The following ATAD2 variants were observed in gnomAD, a reference collection of about 807,000 sequenced individuals.
ATAD2 encodes ATPase family AAA domain containing 2, also known as ATPase family AAA domain-containing protein 2.
In ATAD2, 62 loss-of-function variants were observed where a neutral mutation model predicts 168.9. The observed-to-expected ratio is 0.37, with a 90% CI of 0.30 to 0.45. The LOEUF (loss-of-function observed/expected upper bound fraction) is 0.45. Among genes scored for constraint, ATAD2 ranks in the 20% least tolerant of loss-of-function variants. ATAD2 has a pLI of 1.00. For synonymous variants in ATAD2, 613 were observed against 571.6 expected (o/e 1.07, Z -1.03); for missense variants, 1,419 against 1,667.8 (o/e 0.85, Z 2.60).
intron 24 of ATAD2, among the ~76,000 whole-genome samples, chr8:123,331,014 A>AAC (rs1827760923): frequency 6.6e-6 from 1 of 151,886 alleles, no homozygotes; most frequent in Non-Finnish European, 1.5e-5. Context: ...CCTCTGCCCC[A>AAC]CTGGGTTCAA....
Position 123,359,317 on chromosome 8 carries a change from C to A in ATAD2, c.1286G>T (p.Gly429Val). 2 of 1,607,978 alleles carry A rather than the reference C, an allele frequency of 1.2e-6. No homozygotes were observed. The highest frequency in any genetic ancestry group is 1.7e-6 in the Non-Finnish European group (2 of 1,177,586). The stretch of plus-strand genomic sequence containing the variant: ...AGCTGCTATATGATTAGACAGGCCA[C>A]CAACACTATCAAATCGTACCTGGTA... ...LDSSVRFDSV[G>V]GLSNHIAALK... Residue 429 changes from glycine (G) to valine (V), a missense_variant, in exon 11 of 28, where the codon GGT (glycine) becomes GTT (valine). Physicochemically the swap from Gly to Val is moderately radical, Grantham distance 109 (BLOSUM62 -3). Around this residue, in one of 5 missense-constraint regions of ATAD2, gnomAD observed 146 missense variants for 188.3 expected, o/e 0.78. Transcript: ENST00000287394.
intron 21 of ATAD2, among the ~76,000 whole-genome samples, chr8:123,337,025 C>T (rs891295117): frequency 6.7e-5 from 9 of 133,744 alleles, no homozygotes; most frequent in African/African-American, 2.6e-4. Flanking sequence ...CCAGCCTGGG[C>T]AACAGAGTGA....
chr8:123,410,008 G>T (rs1224619735), intron 1 of ATAD2, among the ~76,000 whole-genome samples: 1 of 147,306 alleles, frequency 6.8e-6, no homozygotes, highest in African/African-American at 2.5e-5. Flanking sequence ...AAAACCTTTT[G>T]TTATTAAAGC....
At chr8:123,356,612 T>C (rs1288936657) in intron 12 of ATAD2, 135 bp from the exon 13 acceptor site, 1 of 427,522 alleles carries the variant, frequency 2.3e-6, no homozygotes, top group Non-Finnish European at 3.7e-6. Flanking sequence ...ACTATTTGAA[T>C]CGGTTTTTCT....
At chr8:123,365,073 A>G (rs1163972760) in intron 8 of ATAD2, among the ~76,000 whole-genome samples, 1 of 152,134 alleles carries the variant, frequency 6.6e-6, no homozygotes, top group Non-Finnish European at 1.5e-5. Context: ...AAAATCCAGC[A>G]AAGTTTCAGG....
chr8:123,326,069 T>C, intron 25 of ATAD2, 43 bp from the exon 26 acceptor site: 2 of 1,582,486 alleles, frequency 1.3e-6, no homozygotes, highest in Non-Finnish European at 1.7e-6. Context: ...TCCATAGATA[T>C]TATGATGTCT....
At chr8:123,412,749 C>T (rs775088993) in intron 1 of ATAD2, among the ~76,000 whole-genome samples, 1 of 152,178 alleles carries the variant, frequency 6.6e-6, no homozygotes, top group African/African-American at 2.4e-5. Flanking sequence ...TTGTTTATTA[C>T]GTAGGGTACT....
intron 1 of ATAD2, among the ~76,000 whole-genome samples, chr8:123,383,042 G>T (rs1200800388): frequency 6.6e-6 from 1 of 152,180 alleles, no homozygotes; most frequent in Non-Finnish European, 1.5e-5. Flanking sequence ...CATGTCATTT[G>T]CAGGGACATG....
chr8:123,360,929 A>G (rs1232530430), intron 9 of ATAD2, among the ~76,000 whole-genome samples: 1 of 147,344 alleles, frequency 6.8e-6, no homozygotes, highest in Non-Finnish European at 1.5e-5. Flanking sequence ...ACTTATCATT[A>G]TTATAAGCAA....
At chr8:123,377,134 A>G (rs539741208) in intron 2 of ATAD2, among the ~76,000 whole-genome samples, 15 of 133,104 alleles carry the variant, frequency 1.1e-4, no homozygotes, top group African/African-American at 3.8e-4. Context: ...GGTGGTGCAA[A>G]CTTGCAGTCC....
Position 123,334,192 on chromosome 8 carries a change from T to C in ATAD2, c.3334+8A>G, listed in dbSNP as rs1322603764. 3 of 1,572,744 alleles carry C rather than the reference T, an allele frequency of 1.9e-6. No homozygotes were observed. The highest frequency in any genetic ancestry group is 4.1e-5 in the Admixed American group (2 of 49,088). On this transcript the variant is annotated splice_region_variant and intron_variant, in intron 23 of 27. Coordinates refer to ENST00000287394, the MANE Select transcript of ATAD2 (RefSeq NM_014109.4). ...GGTTGGTACAAATCAACCAAATCAC[T>C]TTCCTACCTCTTTTCTTTCTAGATT...
chr8:123,321,190 G>A lies in ATAD2; in HGVS notation c.4132-15C>T. ...TGCTCCATTTTCTAGATAAAGGGGA[G>A]GAAGAGCAAATAGTAAGTTTCAATA... On this transcript the variant is annotated splice_polypyrimidine_tract_variant and intron_variant, in intron 27 of 27. Transcript: ENST00000287394. 6.3e-7 allele frequency: 1 copy of A among 1,599,496 alleles called. No homozygotes were observed. Among genetic ancestry groups the A allele is most frequent in the South Asian group, 1.1e-5 (1 of 88,006 alleles).
upstream of ATAD2, chr8:123,400,472 C>A: frequency 2.7e-6 from 1 of 369,306 alleles, no homozygotes; most frequent in South Asian, 2.1e-5. The surrounding 1 kb of genome is among the most constrained non-coding windows in gnomAD (Gnocchi z 4.5). Context: ...CAGTTCCAAA[C>A]CATTCGGGGG....
chr8:123,328,638 A>G (rs1439751869), intron 24 of ATAD2, 59 bp from the exon 25 acceptor site: 2 of 1,461,610 alleles, frequency 1.4e-6, no homozygotes, highest in Non-Finnish European at 1.8e-6. Flanking sequence ...TGAAATTCAA[A>G]GAGTGAAAAA....
rs1396786641 is a variant in ATAD2, at chr8:123,361,623, C to T, written c.1073G>A (p.Ser358Asn). ...AGAGGAGGAAGATGAAGTCGAGTCA[C>T]TACTGTGGATTGCATGCCTTCGCCT... Reference protein sequence around the residue: ...MNRRRHAIHSSDSTSSSSSED... With the variant: ...MNRRRHAIHSNDSTSSSSSED... Residue 358 changes from serine (S) to asparagine (N), a missense_variant, in exon 9 of 28, where the codon AGT (serine) becomes AAT (asparagine). Coordinates refer to ENST00000287394, the MANE Select transcript of ATAD2 (RefSeq NM_014109.4). The T allele has an allele frequency of 6.2e-7, 1 of 1,612,356 alleles. No homozygotes were observed. The highest frequency in any genetic ancestry group is 8.5e-7 in the Non-Finnish European group (1 of 1,178,714).
chr8:123,342,075 C>T (rs559055826), intron 19 of ATAD2, among the ~76,000 whole-genome samples: 2 of 152,150 alleles, frequency 1.3e-5, no homozygotes, highest in Non-Finnish European at 2.9e-5. Context: ...CAACACAGTG[C>T]GACTCCGTCT....
chr8:123,321,086 G>T lies in ATAD2; in HGVS notation c.*48C>A. 1.3e-6 allele frequency: 2 copies of T among 1,553,678 alleles called. No homozygotes were observed. The highest frequency in any genetic ancestry group is 1.2e-5 in the South Asian group (1 of 86,234). Reference sequence around the variant, plus strand: ...TCAATTAGGCGGACATGACAAAAATGACTTAAATAGGAACTGAATATAAAG... The same window carrying T: ...TCAATTAGGCGGACATGACAAAAATTACTTAAATAGGAACTGAATATAAAG... On this transcript the variant is annotated 3_prime_UTR_variant, in exon 28 of 28. Transcript: ENST00000287394.
intron 21 of ATAD2, 23 bp from the exon 22 acceptor site, chr8:123,336,555 A>C (rs775033800): frequency 6.8e-7 from 1 of 1,478,032 alleles, no homozygotes; most frequent in Non-Finnish European, 8.9e-7. Context: ...CAAATGATCA[A>C]ATCACAAAAT....
chr8:123,372,759 C>T (rs1291039542), intron 2 of ATAD2, 73 bp from the exon 3 acceptor site: 12 of 1,268,722 alleles, frequency 9.5e-6, no homozygotes, highest in Non-Finnish European at 1.1e-5. Flanking sequence ...GATGGGATTG[C>T]ACTCCATCGT....
Sources: allele counts gnomAD v4.1 joint callset (sites outside exome capture counted in the v4.1 genomes callset), GRCh38; gene constraint gnomAD v4.1.1; regional missense constraint gnomAD v4.1.1; non-coding constraint Gnocchi (gnomAD v3.1); transcripts MANE v1.5; gene names NCBI Gene and HGNC (gene_info 2026-07-23, HGNC 2026-07-21).